The following CCDC85A variants were observed in gnomAD, a reference collection of about 807,000 sequenced individuals.
CCDC85A encodes coiled-coil domain containing 85A.
CCDC85A carries 38 observed loss-of-function variants against 50.2 expected under a neutral mutation model. That is an observed-to-expected ratio of 0.76 (90% CI 0.58 to 0.99). The LOEUF (loss-of-function observed/expected upper bound fraction) is 0.99, where lower values mean the gene tolerates loss of function less well. CCDC85A is among the 50% of genes least tolerant of loss of function. The pLI, the probability that CCDC85A is intolerant of heterozygous loss-of-function variation, is 0.00. For missense variants in CCDC85A, 820 were observed against 742.0 expected (o/e 1.11, Z -1.22); for synonymous variants, 366 against 301.4 (o/e 1.21, Z -2.22).
intron 1 of CCDC85A, among the ~76,000 whole-genome samples, chr2:56,188,806 G>A (rs933873864): frequency 4.6e-5 from 7 of 152,208 alleles, no homozygotes; most frequent in Non-Finnish European, 7.3e-5. Flanking sequence ...CCAGAGGCCT[G>A]GAGCTTTATA....
chr2:56,320,846 A>C (rs2104259096), intron 2 of CCDC85A, among the ~76,000 whole-genome samples: 1 of 152,270 alleles, frequency 6.6e-6, no homozygotes, highest in South Asian at 2.1e-4. Flanking sequence ...AAAAAAGAGA[A>C]TTTTAGACCA....
intron 2 of CCDC85A, among the ~76,000 whole-genome samples, chr2:56,339,880 C>G (rs1338195444): frequency 6.6e-6 from 1 of 152,120 alleles, no homozygotes; most frequent in Non-Finnish European, 1.5e-5. Flanking sequence ...AATAACTTTG[C>G]TATTCATTTA....
intron 2 of CCDC85A, among the ~76,000 whole-genome samples, chr2:56,319,500 C>A (rs1673068330): frequency 1.3e-5 from 2 of 152,098 alleles, no homozygotes; most frequent in South Asian, 4.1e-4. Context: ...CTGGTAAATG[C>A]TGTTTTGCAG....
At chr2:56,329,957 T>TG (rs1673694800) in intron 2 of CCDC85A, among the ~76,000 whole-genome samples, 1 of 93,924 alleles carries the variant, frequency 1.1e-5, no homozygotes, top group Non-Finnish European at 2.0e-5. Context: ...TTTTTTTTTT[T>TG]TTTTTTTTTT....
intron 2 of CCDC85A, among the ~76,000 whole-genome samples, chr2:56,220,329 T>C (rs1056595414): frequency 6.6e-6 from 1 of 152,058 alleles, no homozygotes; most frequent in South Asian, 2.1e-4. Context: ...ACATGCTGAA[T>C]AGATATTTTA....
chr2:56,341,630 C>T (rs1205973631), intron 2 of CCDC85A, among the ~76,000 whole-genome samples: 1 of 152,184 alleles, frequency 6.6e-6, no homozygotes, highest in East Asian at 1.9e-4. Flanking sequence ...TACTTTTCTT[C>T]ACCTGTGACC....
At position 56,292,933 on chromosome 2, in the gene CCDC85A, A is replaced by G. The variant is rs184699284; in HGVS notation, c.1241-49946A>G. ...TAGAGCAGATAATCTTCTAAACCCA[A>G]TTGATAGTCAAGTTGGCAGAAATCA... On this transcript the variant is annotated intron_variant, in intron 2 of 5. Transcript: ENST00000407595. Among the ~76,000 whole-genome samples the G allele has an allele frequency of 3.1e-3, 469 of 152,322 alleles. 2 individuals carry two copies. Among genetic ancestry groups the G allele is most frequent in the Admixed American group, 8.2e-3 (126 of 15,304 alleles).
chr2:56,225,964 T>G (rs978117412), intron 2 of CCDC85A, among the ~76,000 whole-genome samples: 1 of 152,212 alleles, frequency 6.6e-6, no homozygotes, highest in Non-Finnish European at 1.5e-5. Context: ...TGATATATTT[T>G]CCAGATATTT....
At chr2:56,295,378 T>C (rs1377973154) in intron 2 of CCDC85A, among the ~76,000 whole-genome samples, 1 of 152,228 alleles carries the variant, frequency 6.6e-6, no homozygotes, top group Admixed American at 6.5e-5. Context: ...TGATCTTCCA[T>C]GGTGAGTTGA....
intron 2 of CCDC85A, among the ~76,000 whole-genome samples, chr2:56,335,774 G>T (rs1674042094): frequency 6.6e-6 from 1 of 151,838 alleles, no homozygotes; most frequent in Non-Finnish European, 1.5e-5. Context: ...GCTAATTTTT[G>T]TATCTTTAGT....
chr2:56,365,257 G>A (rs1022404954), intron 3 of CCDC85A, among the ~76,000 whole-genome samples: 2 of 152,196 alleles, frequency 1.3e-5, no homozygotes, highest in Non-Finnish European at 2.9e-5. Flanking sequence ...AATGAGGGGT[G>A]TGTGAATTAA....
chr2:56,368,846 G>A (rs1008331740), intron 3 of CCDC85A, among the ~76,000 whole-genome samples: 4 of 151,682 alleles, frequency 2.6e-5, no homozygotes, highest in Non-Finnish European at 5.9e-5. Context: ...GTACATATAT[G>A]TATATGTATA....
intron 2 of CCDC85A, among the ~76,000 whole-genome samples, chr2:56,290,546 A>G (rs1005472233): frequency 6.6e-6 from 1 of 152,230 alleles, no homozygotes; most frequent in African/African-American, 2.4e-5. Flanking sequence ...TCCATAGTTA[A>G]TAACATCACT....
intron 2 of CCDC85A, among the ~76,000 whole-genome samples, chr2:56,306,211 C>A (rs992765113): frequency 2.0e-5 from 3 of 152,088 alleles, no homozygotes; most frequent in African/African-American, 7.2e-5. Flanking sequence ...CTCAGTACAA[C>A]CTCCGCCTCC....
intron 2 of CCDC85A, among the ~76,000 whole-genome samples, chr2:56,265,594 G>A (rs983281080): frequency 5.3e-5 from 8 of 152,166 alleles, no homozygotes; most frequent in African/African-American, 1.9e-4. Context: ...ACCACAGTGA[G>A]ATATCACCTC....
chr2:56,338,102 A>G (rs993354264), intron 2 of CCDC85A, among the ~76,000 whole-genome samples: 1 of 152,070 alleles, frequency 6.6e-6, no homozygotes, highest in African/African-American at 2.4e-5. Context: ...TGCATTATAT[A>G]TTTATGTACT....
chr2:56,339,042 A>C (rs1674224118), intron 2 of CCDC85A, among the ~76,000 whole-genome samples: 2 of 152,196 alleles, frequency 1.3e-5, no homozygotes, highest in Admixed American at 6.5e-5. Context: ...AGAACCTGGA[A>C]CAATTAACAG....
intron 1 of CCDC85A, among the ~76,000 whole-genome samples, chr2:56,185,118 T>C (rs923702791): frequency 7.9e-6 from 1 of 127,004 alleles, no homozygotes; most frequent in African/African-American, 2.7e-5. Context: ...CGCTCCACTG[T>C]CTGGCTGTTC....
At chr2:56,369,750 G>A (rs1675982479) in intron 3 of CCDC85A, among the ~76,000 whole-genome samples, 1 of 151,956 alleles carries the variant, frequency 6.6e-6, no homozygotes, top group South Asian at 2.1e-4. Flanking sequence ...GTACAGTTCG[G>A]ATTTCCCATT....
Sources: gnomAD v4.1 joint callset for allele counts (sites outside exome capture counted in the v4.1 genomes callset) on GRCh38, gnomAD v4.1.1 for gene constraint, MANE v1.5 for transcripts, NCBI Gene and HGNC (gene_info 2026-07-23, HGNC 2026-07-21) for gene names.